BRINP3: variants seen among roughly 807,000 people sequenced by gnomAD.
BRINP3 encodes the protein BMP/retinoic acid inducible neural specific 3, also known as BMP/retinoic acid-inducible neural-specific protein 3.
A neutral mutation model predicts 71.0 loss-of-function variants in BRINP3; 19 were observed. That is an observed-to-expected ratio of 0.27 (90% confidence interval 0.19 to 0.39). The LOEUF (loss-of-function observed/expected upper bound fraction) is 0.39. BRINP3 is among the 10% of genes least tolerant of loss of function. The pLI, the probability that BRINP3 is intolerant of heterozygous loss-of-function variation, is 1.00. For missense variants in BRINP3, 959 were observed against 940.8 expected, an observed-to-expected ratio of 1.02 and a Z score of -0.25; for synonymous variants, 380 against 337.7, an observed-to-expected ratio of 1.13 and a Z score of -1.37.
intron 4 of BRINP3, among the ~76,000 whole-genome samples, chr1:190,245,012 A>G (rs991631298): frequency 6.6e-6 from 1 of 152,060 alleles, no homozygotes; most frequent in Non-Finnish European, 1.5e-5. Flanking sequence ...CCTTAAGCAT[A>G]TCAAAAGCTT....
rs138503043 is a variant in BRINP3 at position 190,278,862 on chromosome 1, C to CA, written c.427+2697dup. On this transcript the variant is annotated intron_variant, in intron 3 of 7. Transcript: ENST00000367462. ...TACAAATTTTGAAACATGGTGTATACAAAAAAAAAACATGCAAAACAAAAA... is the reference window on the plus strand; with the variant it reads ...TACAAATTTTGAAACATGGTGTATACAAAAAAAAAAACATGCAAAACAAAAA... Among the ~76,000 whole-genome samples the CA allele has an allele frequency of 2.1e-3, 295 of 142,544 alleles. 2 individuals carry two copies. Among genetic ancestry groups the CA allele is most frequent in the East Asian group, 0.01 (49 of 4,720 alleles). The allele number at this position is 142,544 out of a possible 152,430, so 93.5% of individuals were successfully genotyped here. A position where few individuals can be genotyped will look rare whatever the true frequency, so the allele number is the denominator to read the frequency against.
chr1:190,347,966 A>G (rs1405586614), intron 2 of BRINP3, among the ~76,000 whole-genome samples: 1 of 152,174 alleles, frequency 6.6e-6, no homozygotes, highest in African/African-American at 2.4e-5. Context: ...AAATGCAATC[A>G]TAAGTAGGAG....
chr1:190,165,881 C>T (rs1651489464), intron 6 of BRINP3, among the ~76,000 whole-genome samples: 1 of 152,040 alleles, frequency 6.6e-6, no homozygotes, highest in Admixed American at 6.6e-5. Flanking sequence ...AGAAAGTTAC[C>T]AAGGGCTGAA....
At chr1:190,321,815 C>A (rs1474947764) in intron 2 of BRINP3, among the ~76,000 whole-genome samples, 1 of 151,834 alleles carries the variant, frequency 6.6e-6, no homozygotes, top group Admixed American at 6.6e-5. Context: ...TGGTTTTTAC[C>A]TTGTGGTATG....
chr1:190,263,948 TACA>T (rs1243436181), intron 4 of BRINP3, among the ~76,000 whole-genome samples: 3 of 152,186 alleles, frequency 2.0e-5, no homozygotes, highest in East Asian at 1.9e-4. Flanking sequence ...CATAAAGTAA[TACA>T]ACGTTACATT....
chr1:190,299,713 G>A (rs187428867), intron 2 of BRINP3, among the ~76,000 whole-genome samples: 34 of 151,500 alleles, frequency 2.2e-4, no homozygotes, highest in Middle Eastern at 3.4e-3. Flanking sequence ...CATGTTTAGC[G>A]CTTCCTTCAG....
chr1:190,411,220 T>C (rs982515625), intron 2 of BRINP3, among the ~76,000 whole-genome samples: 1 of 152,072 alleles, frequency 6.6e-6, no homozygotes. Context: ...GTCTTATCAA[T>C]TGATAGAGGA....
chr1:190,098,189 T>A lies in BRINP3; in HGVS notation c.2130A>T (p.Val710=). ...GCTGACCAGGTGGGGAGAGTTTATT[T>A]ACACGGTCTCTGATCTCTAGTAGTT... ...LLQLLEIRDR[V]NKLSPPGQRR... The change falls in exon 8 of 8, where the codon GTA becomes GTT. Residue 710 remains valine, a synonymous_variant. Transcript: ENST00000367462. 2 of 1,614,160 alleles carry A rather than the reference T, an allele frequency of 1.2e-6. No individual in the cohort carries two copies. Among genetic ancestry groups the A allele is most frequent in the African/African-American group, 2.7e-5 (2 of 75,036 alleles).
intron 2 of BRINP3, among the ~76,000 whole-genome samples, chr1:190,399,268 C>G (rs896567150): frequency 1.3e-5 from 2 of 151,722 alleles, no homozygotes; most frequent in African/African-American, 4.8e-5. Flanking sequence ...AAATAATAAA[C>G]AAAACAACAG....
At chr1:190,442,744 T>G (rs985579108) in intron 2 of BRINP3, among the ~76,000 whole-genome samples, 4 of 151,758 alleles carry the variant, frequency 2.6e-5, no homozygotes, top group Non-Finnish European at 5.9e-5. Context: ...TGCGTGTGTG[T>G]GTGTATTTTC....
rs140390180 is a variant in BRINP3 at position 190,183,308 on chromosome 1, G to T, written c.962-22418C>A. On this transcript the variant is annotated intron_variant, in intron 6 of 7. Transcript: ENST00000367462. Reference sequence around the variant, plus strand: ...AATTTAATTTTAAATTGAAATTTGGGAATTTAAATTTTAAGTTTAAAAAAA... The same window carrying T: ...AATTTAATTTTAAATTGAAATTTGGTAATTTAAATTTTAAGTTTAAAAAAA... Among the ~76,000 whole-genome samples, 824 of 151,752 alleles carry T rather than the reference G, an allele frequency of 5.4e-3. 6 individuals are homozygous for T. Among genetic ancestry groups the T allele is most frequent in the African/African-American group, 0.018 (752 of 41,382 alleles).
rs530767294 is a variant in BRINP3 at position 190,354,288 on chromosome 1, G to T, written c.237-72538C>A. ...TTTAATTATCAAAGCTGAAAATGGG[G>T]TGCTAGTGGCATTACATAATAGAAA... On this transcript the variant is annotated intron_variant, in intron 2 of 7. Coordinates refer to ENST00000367462, the MANE Select transcript of BRINP3 (RefSeq NM_199051.3). Among the ~76,000 whole-genome samples, 6 of 151,992 alleles carry T rather than the reference G, an allele frequency of 3.9e-5. No individual in the cohort carries two copies. The South Asian group carries it at 1.2e-3, about 32-fold the overall frequency.
intron 2 of BRINP3, among the ~76,000 whole-genome samples, chr1:190,442,315 C>T (rs1674877611): frequency 6.6e-6 from 1 of 152,082 alleles, no homozygotes; most frequent in African/African-American, 2.4e-5. Context: ...TAAGATAAGA[C>T]CGTCAGCAAA....
chr1:190,202,718 T>C lies in BRINP3; in HGVS notation c.961+23364A>G, dbSNP rs112061737. On this transcript the variant is annotated intron_variant, in intron 6 of 7. Coordinates refer to ENST00000367462, the MANE Select transcript of BRINP3 (RefSeq NM_199051.3). The stretch of plus-strand genomic sequence containing the variant: ...CTGATGGTTTTAAAAAATGGGAGTT[T>C]GTCTGAAAAAAGTCTAGTTTTGCCT... Among the ~76,000 whole-genome samples, 484 of 152,164 alleles carry C rather than the reference T, an allele frequency of 3.2e-3. 4 individuals are homozygous for C. Among genetic ancestry groups the C allele is most frequent in the African/African-American group, 0.011 (457 of 41,562 alleles).
chr1:190,431,836 C>T lies in BRINP3; in HGVS notation c.236+22819G>A, dbSNP rs538423768. ...GTATTTGTTTTTCTGCCAGATAATG[C>T]AAATGATATCAATATTAGTCTGCAA... On this transcript the variant is annotated intron_variant, in intron 2 of 7. Transcript: ENST00000367462. 3.3e-5 allele frequency among the ~76,000 whole-genome samples: 5 copies of T among 152,108 alleles called. No homozygotes were observed. In the South Asian group the frequency reaches 1.0e-3, roughly 32 times the overall value.
rs561319551 is a variant in BRINP3, at chr1:190,306,375, A to G, written c.237-24625T>C. 4.6e-5 allele frequency among the ~76,000 whole-genome samples: 7 copies of G among 152,046 alleles called. No homozygotes were observed. In the South Asian group the frequency reaches 1.5e-3, roughly 32 times the overall value. ...AAATAAGCGATTTTGGAGGGCACTG[A>G]AACATTTTGATTGTAAGAGTAGGGT... On this transcript the variant is annotated intron_variant, in intron 2 of 7. Transcript: ENST00000367462.
At chr1:190,367,187 T>C (rs1669560631) in intron 2 of BRINP3, among the ~76,000 whole-genome samples, 2 of 152,228 alleles carry the variant, frequency 1.3e-5, no homozygotes, top group Non-Finnish European at 2.9e-5. Context: ...TGCCTAGACA[T>C]GCAGGCATTT....
rs997626484 is a variant in BRINP3 at position 190,339,228 on chromosome 1, C to T, written c.237-57478G>A. Among the ~76,000 whole-genome samples, 75 of 151,890 alleles carry T rather than the reference C, an allele frequency of 4.9e-4. 1 individual carries two copies. The highest frequency in any genetic ancestry group is 6.6e-4 in the Non-Finnish European group (45 of 67,924). ...GTTGCTCTTAAAGCTTCACAGGATA[C>T]TCTGCAAAGCAGTAGCTGCACTGCA... On this transcript the variant is annotated intron_variant, in intron 2 of 7. Transcript: ENST00000367462.
intron 2 of BRINP3, among the ~76,000 whole-genome samples, chr1:190,336,575 A>G (rs966220834): frequency 6.6e-6 from 1 of 152,064 alleles, no homozygotes; most frequent in African/African-American, 2.4e-5. Context: ...TTTTTAACCC[A>G]GGACAAATAT....
Sources: gnomAD v4.1 joint callset for allele counts (sites outside exome capture counted in the v4.1 genomes callset) on GRCh38, gnomAD v4.1.1 for gene constraint, MANE v1.5 for transcripts, NCBI Gene and HGNC (gene_info 2026-07-23, HGNC 2026-07-21) for gene names.